ATP1A1: variants seen among roughly 807,000 people sequenced by gnomAD.
ATP1A1 encodes the protein ATPase Na+/K+ transporting subunit alpha 1.
ATP1A1 carries 14 observed loss-of-function variants against 114.8 expected under a neutral mutation model. That is an observed-to-expected ratio of 0.12 (90% CI 0.08 to 0.19). The LOEUF is 0.19. Ranked by LOEUF, ATP1A1 falls within the 10% of genes least tolerant of loss-of-function variation. The pLI, the probability that ATP1A1 is intolerant of heterozygous loss-of-function variation, is 1.00. For missense variants in ATP1A1, 524 were observed against 1,290.7 expected, an observed-to-expected ratio of 0.41 and a Z score of 9.10; for synonymous variants, 471 against 466.3, an observed-to-expected ratio of 1.01 and a Z score of -0.13.
At chr1:116,402,104 T>C (rs1421512470) in intron 21 of ATP1A1, 1 of 161,638 alleles carries the variant, frequency 6.2e-6, no homozygotes, top group Non-Finnish European at 1.3e-5. Context: ...AGAAAGAAGG[T>C]TGGAGAAACA....
intron 1 of ATP1A1, among the ~76,000 whole-genome samples, chr1:116,376,340 C>T (rs778819430): frequency 1.7e-4 from 26 of 152,170 alleles, no homozygotes; most frequent in Non-Finnish European, 2.6e-4. Flanking sequence ...TATCAGCTGC[C>T]CTTTTGGAGC....
chr1:116,389,660 G>A lies in ATP1A1; in HGVS notation c.976G>A (p.Gly326Ser), dbSNP rs779317338. Residue 326 changes from glycine to serine, a missense_variant, in exon 8 of 23, where the codon GGT (glycine) becomes AGT (serine). Transcript: ENST00000295598. This position sits in a 1 kb window ranked among gnomAD's most constrained non-coding sequence, Gnocchi z 6.9. The part of the protein sequence containing the change: ...TWLEAVIFLI[G>S]IIVANVPEGL... ...GCTTGAGGCTGTCATCTTCCTCATC[G>A]GTATCATCGTAGCCAATGTGCCGGA... The A allele has an allele frequency of 6.2e-7, 1 of 1,614,106 alleles. No homozygotes were observed. The highest frequency in any genetic ancestry group is 8.5e-7 in the Non-Finnish European group (1 of 1,180,030).
chr1:116,373,792 C>T (rs1193111785), intron 1 of ATP1A1: 5 of 1,223,560 alleles, frequency 4.1e-6, no homozygotes, highest in Non-Finnish European at 5.1e-6. Context: ...GGCTGCGCGC[C>T]CCGGAGGCCG....
At chr1:116,382,951 C>T (rs1651842021) in intron 1 of ATP1A1, among the ~76,000 whole-genome samples, 1 of 152,064 alleles carries the variant, frequency 6.6e-6, no homozygotes, top group South Asian at 2.1e-4. Flanking sequence ...TGGGAGGCTG[C>T]TTCAGGGGGA....
chr1:116,379,185 T>C (rs1458158410), intron 1 of ATP1A1, among the ~76,000 whole-genome samples: 2 of 152,202 alleles, frequency 1.3e-5, no homozygotes, highest in East Asian at 1.9e-4. Flanking sequence ...TGAGGGAACC[T>C]GCTGGCTAGA....
At position 116,389,530 on chromosome 1, in the gene ATP1A1, C is replaced by T. The variant is rs758139508; in HGVS notation, c.846C>T (p.Thr282=). 6.2e-7 allele frequency: 1 copy of T among 1,614,120 alleles called. No homozygotes were observed. Among genetic ancestry groups the T allele is most frequent in the Non-Finnish European group, 8.5e-7 (1 of 1,180,008 alleles). The part of the protein sequence containing the change: ...TLASGLEGGQ[T]PIAAEIEHFI... ...CTTCTGGGCTGGAAGGAGGCCAGAC[C>T]CCCATTGCTGCAGAAATTGAACATT... Residue 282 remains threonine (T), a synonymous_variant, in exon 8 of 23, where the codon ACC becomes ACT. Coordinates refer to ENST00000295598, the MANE Select transcript of ATP1A1 (RefSeq NM_000701.8). The surrounding 1 kb of genome is among the most constrained non-coding windows in gnomAD (Gnocchi z 6.9).
chr1:116,386,145 AAAAAAAAAAAAAGG>A (rs1350716857), intron 3 of ATP1A1: 2 of 149,014 alleles, frequency 1.3e-5, no homozygotes, highest in Non-Finnish European at 3.0e-5. Context: ...AAAAAAAAAA[AAAAAAAAAAAAAGG>A]AGAGAAGAAC....
rs1570980595 is a variant in ATP1A1, at chr1:116,401,225, G to A, written c.2814G>A (p.Lys938=). The change falls in exon 20 of 23, where the codon AAG becomes AAA. Residue 938 remains lysine, a synonymous_variant. Coordinates refer to ENST00000295598, the MANE Select transcript of ATP1A1 (RefSeq NM_000701.8). The surrounding 1 kb of genome is among the most constrained non-coding windows in gnomAD (Gnocchi z 4.7). ...AGTGGGCCGACTTGGTCATCTGTAA[G>A]ACCAGGAGGAATTCGGTCTTCCAGC... ...VVQWADLVIC[K]TRRNSVFQQG... The A allele has an allele frequency of 1.2e-5, 19 of 1,614,226 alleles. No homozygotes were observed. Among genetic ancestry groups the A allele is most frequent in the South Asian group, 2.2e-5 (2 of 91,084 alleles).
At chr1:116,390,684 T>C (rs1652396676) in intron 9 of ATP1A1, 98 bp from the exon 10 acceptor site, 1 of 1,008,226 alleles carries the variant, frequency 9.9e-7, no homozygotes. Context: ...ATGAGATGTA[T>C]CACTGCAGAT....
Position 116,387,467 on chromosome 1 carries a change from A to G in ATP1A1, c.363A>G (p.Thr121=), listed in dbSNP as rs750859192. ...TGGCTTATAGCATCCAAGCTGCTAC[A>G]GAAGAGGAACCTCAAAACGATAATG... The part of the protein sequence containing the change: ...CFLAYSIQAA[T]EEEPQNDNLY... Residue 121 remains threonine, a synonymous_variant, in exon 4 of 23, where the codon ACA becomes ACG. Transcript: ENST00000295598. The surrounding 1 kb of genome is among the most constrained non-coding windows in gnomAD (Gnocchi z 6.7). The G allele has an allele frequency of 3.1e-6, 5 of 1,614,142 alleles. No homozygotes were observed. The African/African-American group carries it at 6.7e-5, about 22-fold the overall frequency.
chr1:116,394,008 TAA>T (rs936308669), intron 12 of ATP1A1, among the ~76,000 whole-genome samples: 1 of 148,826 alleles, frequency 6.7e-6, no homozygotes, highest in African/African-American at 2.4e-5. Context: ...TCTGTTTGTT[TAA>T]AAAAAAAAAT....
chr1:116,388,817 C>A lies in ATP1A1; in HGVS notation c.636+45C>A, dbSNP rs767379314. 9.9e-6 allele frequency: 16 copies of A among 1,612,714 alleles called. No homozygotes were observed. In the South Asian group the frequency reaches 1.5e-4, roughly 16 times the overall value. On this transcript the variant is annotated intron_variant, in intron 6 of 22. Coordinates refer to ENST00000295598, the MANE Select transcript of ATP1A1 (RefSeq NM_000701.8). The surrounding 1 kb of genome is among the most constrained non-coding windows in gnomAD (Gnocchi z 5.6). Reference sequence around the variant, plus strand: ...AAACCTCATAGCTAGCTCTGCTGTTCGGGCAGCTTGATTTGAGGGGTACAG... The same window carrying A: ...AAACCTCATAGCTAGCTCTGCTGTTAGGGCAGCTTGATTTGAGGGGTACAG...
chr1:116,404,275 C>G lies in ATP1A1; in HGVS notation c.3044-141C>G, dbSNP rs1046777940. 1 of 1,010,550 alleles carries G rather than the reference C, an allele frequency of 9.9e-7. No homozygotes were observed. Among genetic ancestry groups the G allele is most frequent in the Non-Finnish European group, 1.5e-6 (1 of 660,664 alleles). The allele number at this position is 1,010,550 out of a possible 1,614,324, so 62.6% of individuals were successfully genotyped here. A position where few individuals can be genotyped will look rare whatever the true frequency, so the allele number is the denominator to read the frequency against. Reference sequence around the variant, plus strand: ...ATTCCTAAAAACATGTAAATAAGTACAGTTGAGGTCCCATGTTTGGATTTT... The same window carrying G: ...ATTCCTAAAAACATGTAAATAAGTAGAGTTGAGGTCCCATGTTTGGATTTT... On this transcript the variant is annotated intron_variant, in intron 22 of 22. Transcript: ENST00000295598. This position sits in a 1 kb window ranked among gnomAD's most constrained non-coding sequence, Gnocchi z 4.8.
At chr1:116,386,767 C>A (rs962679000) in intron 3 of ATP1A1, among the ~76,000 whole-genome samples, 11 of 152,136 alleles carry the variant, frequency 7.2e-5, no homozygotes, top group African/African-American at 2.7e-4. Context: ...GAGCCCTTCC[C>A]TGCCAGACAA....
At chr1:116,380,222 G>T (rs1651652123) in intron 1 of ATP1A1, among the ~76,000 whole-genome samples, 1 of 152,234 alleles carries the variant, frequency 6.6e-6, no homozygotes, top group Non-Finnish European at 1.5e-5. Context: ...CCAGCATGTG[G>T]CAACACTAGA....
chr1:116,373,526 G>T lies in ATP1A1; in HGVS notation c.12+3G>T, dbSNP rs945278904. On this transcript the variant is annotated splice_donor_region_variant and intron_variant, in intron 1 of 22. Coordinates refer to ENST00000295598, the MANE Select transcript of ATP1A1 (RefSeq NM_000701.8). ...GCACCGCCACCATGGGGAAGGGGGTGAGTGTCCGGCGCGCCCGGGGAGGGG... is the reference window on the plus strand; with the variant it reads ...GCACCGCCACCATGGGGAAGGGGGTTAGTGTCCGGCGCGCCCGGGGAGGGG... 59 of 1,469,950 alleles carry T rather than the reference G, an allele frequency of 4.0e-5. No individual in the cohort carries two copies. The highest frequency in any genetic ancestry group is 2.8e-4 in the Admixed American group (11 of 38,682). 91.1% of individuals were successfully genotyped at this position (1,469,950 alleles called of 1,614,324 possible).
In ATP1A1 at chr1:116,404,664, G is replaced by T; in HGVS notation, c.*220G>T. The T allele has an allele frequency of 7.7e-7, 1 of 1,297,880 alleles. No homozygotes were observed. The highest frequency in any genetic ancestry group is 9.7e-7 in the Non-Finnish European group (1 of 1,027,886). The allele number at this position is 1,297,880 out of a possible 1,614,324, so 80.4% of individuals were successfully genotyped here. A position where few individuals can be genotyped will look rare whatever the true frequency, so the allele number is the denominator to read the frequency against. The stretch of plus-strand genomic sequence containing the variant: ...ATCCATCTGTGGAAATGACAGCGGG[G>T]AAGGTTTTTATGTGCCTTTTTGTTT... On this transcript the variant is annotated 3_prime_UTR_variant, in exon 23 of 23. Coordinates refer to ENST00000295598, the MANE Select transcript of ATP1A1 (RefSeq NM_000701.8). The surrounding 1 kb of genome is among the most constrained non-coding windows in gnomAD (Gnocchi z 4.8).
In ATP1A1 at chr1:116,385,474, A is replaced by T. The variant is rs1652020064; in HGVS notation, c.183+632A>T. ...ACTGAAATGTCTGGGAATAACTTGAATAGCAAGCCAATATGTAGCATTTTT... is the reference window on the plus strand; with the variant it reads ...ACTGAAATGTCTGGGAATAACTTGATTAGCAAGCCAATATGTAGCATTTTT... On this transcript the variant is annotated intron_variant, in intron 3 of 22. Coordinates refer to ENST00000295598, the MANE Select transcript of ATP1A1 (RefSeq NM_000701.8). This position sits in a 1 kb window ranked among gnomAD's most constrained non-coding sequence, Gnocchi z 4.3. The T allele has an allele frequency of 6.5e-6, 1 of 153,134 alleles. No homozygotes were observed. The highest frequency in any genetic ancestry group is 1.5e-5 in the Non-Finnish European group (1 of 68,790). The allele number at this position is 153,134 out of a possible 1,614,324, so 9.5% of individuals were successfully genotyped here. A position where few individuals can be genotyped will look rare whatever the true frequency, so the allele number is the denominator to read the frequency against.
Position 116,401,500 on chromosome 1 carries a change from A to G in ATP1A1, c.2850-54A>G, listed in dbSNP as rs1411461739. On this transcript the variant is annotated intron_variant, in intron 20 of 22. Coordinates refer to ENST00000295598, the MANE Select transcript of ATP1A1 (RefSeq NM_000701.8). This position sits in a 1 kb window ranked among gnomAD's most constrained non-coding sequence, Gnocchi z 4.7. ...TGCCATTTTAATGCATAGCATTAGAAGATAAACCTTTATTTGCACCTTTTA... is the reference window on the plus strand; with the variant it reads ...TGCCATTTTAATGCATAGCATTAGAGGATAAACCTTTATTTGCACCTTTTA... 1 of 1,569,562 alleles carries G rather than the reference A, an allele frequency of 6.4e-7. No homozygotes were observed. The highest frequency in any genetic ancestry group is 1.7e-4 in the Middle Eastern group (1 of 5,976).
Sources: gnomAD v4.1 joint callset for allele counts (sites outside exome capture counted in the v4.1 genomes callset) on GRCh38, gnomAD v4.1.1 for gene constraint, Gnocchi (gnomAD v3.1) non-coding constraint, MANE v1.5 for transcripts, NCBI Gene and HGNC (gene_info 2026-07-23, HGNC 2026-07-21) for gene names.